SLC25A13: variants seen among roughly 807,000 people sequenced by gnomAD.
SLC25A13 encodes the protein electrogenic aspartate/glutamate antiporter SLC25A13, mitochondrial.
Under a neutral mutation model 85.5 loss-of-function variants are expected in SLC25A13, and 70 were observed. That is an observed-to-expected ratio of 0.82 (90% CI 0.68 to 1.00). The LOEUF is 1.00. Ranked by LOEUF, SLC25A13 falls within the 50% of genes least tolerant of loss-of-function variation. The pLI, the probability that SLC25A13 is intolerant of heterozygous loss-of-function variation, is 0.00. For missense variants in SLC25A13, 765 were observed against 819.8 expected (o/e 0.93, Z 0.82); for synonymous variants, 259 against 288.7 (o/e 0.90, Z 1.04).
intron 3 of SLC25A13, among the ~76,000 whole-genome samples, chr7:96,275,959 A>G (rs970598948): frequency 2.0e-5 from 3 of 152,230 alleles, no homozygotes; most frequent in Admixed American, 2.0e-4. Flanking sequence ...TTCGAAGTAC[A>G]TAAAGACATT....
chr7:96,221,832 C>T, intron 4 of SLC25A13, among the ~76,000 whole-genome samples: 1 of 152,178 alleles, frequency 6.6e-6, no homozygotes, highest in East Asian at 1.9e-4. Context: ...TTCATCATAG[C>T]AGGTGTTCCT....
chr7:96,290,820 A>G (rs1165713128), intron 2 of SLC25A13, among the ~76,000 whole-genome samples: 1 of 152,206 alleles, frequency 6.6e-6, no homozygotes, highest in Non-Finnish European at 1.5e-5. Flanking sequence ...ACTCCCACAC[A>G]ATAATAATGG....
rs77220869 is a variant in SLC25A13, at chr7:96,224,478, C to T, written c.328+10324G>A. On this transcript the variant is annotated intron_variant, in intron 4 of 17. Coordinates refer to ENST00000265631, the MANE Select transcript of SLC25A13 (RefSeq NM_014251.3). ...AAGGGCCTCCTCTACTATGGTTCCC[C>T]TCTATCCTCAACCTGGACACAGACC... 5.8e-3 allele frequency among the ~76,000 whole-genome samples: 876 copies of T among 152,302 alleles called. 8 individuals carry two copies. Among genetic ancestry groups the T allele is most frequent in the Admixed American group, 0.015 (232 of 15,304 alleles).
intron 5 of SLC25A13, among the ~76,000 whole-genome samples, chr7:96,201,291 C>T (rs1227503011): frequency 2.0e-5 from 3 of 151,994 alleles, no homozygotes; most frequent in Non-Finnish European, 4.4e-5. Flanking sequence ...GAGTGGATTG[C>T]TTGAGGTCAG....
In SLC25A13 at chr7:96,282,188, AC is replaced by A. The variant is rs1430576271; in HGVS notation, c.70-4851del. Among the ~76,000 whole-genome samples, 7 of 152,166 alleles carry A rather than the reference AC, an allele frequency of 4.6e-5. No homozygotes were observed. The South Asian group carries it at 1.2e-3, about 27-fold the overall frequency. On this transcript the variant is annotated intron_variant, in intron 2 of 17. Coordinates refer to ENST00000265631, the MANE Select transcript of SLC25A13 (RefSeq NM_014251.3). Reference sequence around the variant, plus strand: ...GATTCCTCATGCAACCTTGTATAATACTTATTGTCATCACCAAGAAATACCA... The same window carrying A: ...GATTCCTCATGCAACCTTGTATAATATTATTGTCATCACCAAGAAATACCA...
At chr7:96,310,970 C>T (rs560299049) in intron 1 of SLC25A13, among the ~76,000 whole-genome samples, 5 of 152,256 alleles carry the variant, frequency 3.3e-5, no homozygotes, top group African/African-American at 1.2e-4. Context: ...ATCACCATTA[C>T]CCATTTCATC....
chr7:96,154,118 G>A (rs984437101), intron 13 of SLC25A13, among the ~76,000 whole-genome samples: 9 of 152,176 alleles, frequency 5.9e-5, no homozygotes, highest in African/African-American at 2.2e-4. Context: ...AACCCCAACA[G>A]GGTTTCCTGA....
chr7:96,291,964 G>GA (rs1466546273), intron 2 of SLC25A13, among the ~76,000 whole-genome samples: 2 of 152,174 alleles, frequency 1.3e-5, no homozygotes, highest in Non-Finnish European at 2.9e-5. Flanking sequence ...AAGCCTGGCA[G>GA]AGACACAACA....
At chr7:96,204,037 G>A (rs1325119959) in intron 5 of SLC25A13, among the ~76,000 whole-genome samples, 1 of 152,190 alleles carries the variant, frequency 6.6e-6, no homozygotes, top group Admixed American at 6.5e-5. Context: ...TAGAACAGCT[G>A]CTCTTTACCA....
intron 6 of SLC25A13, among the ~76,000 whole-genome samples, chr7:96,191,561 G>T (rs532803320): frequency 1.3e-5 from 2 of 152,212 alleles, no homozygotes; most frequent in East Asian, 1.9e-4. Context: ...TTATAAGTTG[G>T]TTTATTTCAT....
chr7:96,223,534 T>G (rs766581558), intron 4 of SLC25A13, among the ~76,000 whole-genome samples: 1 of 152,176 alleles, frequency 6.6e-6, no homozygotes, highest in Non-Finnish European at 1.5e-5. Context: ...ACGCCTGTAA[T>G]CCTAGTACTT....
chr7:96,146,189 A>G (rs1792780972), intron 14 of SLC25A13, among the ~76,000 whole-genome samples: 1 of 152,214 alleles, frequency 6.6e-6, no homozygotes, highest in Non-Finnish European at 1.5e-5. Context: ...GGATCGGACC[A>G]TATGCATAGG....
chr7:96,190,911 C>T (rs979507305), intron 7 of SLC25A13, among the ~76,000 whole-genome samples, 198 bp downstream of exon 7: 1 of 152,180 alleles, frequency 6.6e-6, no homozygotes, highest in African/African-American at 2.4e-5. Context: ...CCAAGCTGGG[C>T]CCAGTTTGTT....
intron 13 of SLC25A13, among the ~76,000 whole-genome samples, chr7:96,154,490 T>A (rs1386019438): frequency 6.6e-6 from 1 of 152,094 alleles, no homozygotes; most frequent in Non-Finnish European, 1.5e-5. Context: ...AGAGACAGGG[T>A]TTCACTAAGT....
intron 3 of SLC25A13, among the ~76,000 whole-genome samples, chr7:96,268,064 G>A (rs569121291): frequency 1.3e-5 from 2 of 152,094 alleles, no homozygotes; most frequent in South Asian, 2.1e-4. Context: ...TGAGCCACCC[G>A]GTGCCCACCT....
intron 1 of SLC25A13, 113 bp from the exon 2 acceptor site, chr7:96,297,064 C>T (rs953098948): frequency 1.5e-5 from 14 of 961,122 alleles, no homozygotes; most frequent in South Asian, 1.3e-4. Context: ...CATTTTTGTA[C>T]TTAAATACCA....
intron 3 of SLC25A13, among the ~76,000 whole-genome samples, chr7:96,258,551 AAGAAAATAAG>A (rs1171283940): frequency 1.3e-5 from 2 of 152,240 alleles, no homozygotes; most frequent in Non-Finnish European, 2.9e-5. Context: ...ACCGCTGCTC[AAGAAAATAAG>A]AGAGGACACA....
intron 14 of SLC25A13, among the ~76,000 whole-genome samples, chr7:96,140,250 G>A (rs1478210676): frequency 1.3e-5 from 2 of 151,678 alleles, no homozygotes; most frequent in South Asian, 2.1e-4. Flanking sequence ...GAGCCACCGC[G>A]CCCGGCCTGA....
chr7:96,257,301 AATAG>A (rs1380119618), intron 3 of SLC25A13, among the ~76,000 whole-genome samples: 1 of 152,202 alleles, frequency 6.6e-6, no homozygotes, highest in Non-Finnish European at 1.5e-5. Context: ...AGATTAACCA[AATAG>A]ATAGACCACT....
Sources: gnomAD v4.1 joint callset for allele counts (sites outside exome capture counted in the v4.1 genomes callset) on GRCh38, gnomAD v4.1.1 for gene constraint, MANE v1.5 for transcripts, NCBI Gene and HGNC (gene_info 2026-07-23, HGNC 2026-07-21) for gene names.